The following HCN1 variants were observed in gnomAD, a reference collection of about 807,000 sequenced individuals.
The protein encoded by HCN1 is potassium/sodium hyperpolarization-activated cyclic nucleotide-gated channel 1.
In HCN1, 13 loss-of-function variants were observed where a neutral mutation model predicts 78.9. The ratio of observed to expected loss-of-function variants is 0.16; its 90% CI spans 0.11 to 0.26. The LOEUF (loss-of-function observed/expected upper bound fraction) is 0.26, where lower values mean the gene tolerates loss of function less well. Ranked by LOEUF, HCN1 falls within the 10% of genes least tolerant of loss-of-function variation. HCN1 has a pLI of 1.00. For missense variants in HCN1, 810 were observed against 1,154.3 expected (o/e 0.70, Z 4.32); for synonymous variants, 552 against 455.5 (o/e 1.21, Z -2.70).
At chr5:45,320,692 G>A (rs1746106621) in intron 5 of HCN1, among the ~76,000 whole-genome samples, 1 of 151,414 alleles carries the variant, frequency 6.6e-6, no homozygotes, top group South Asian at 2.1e-4. Flanking sequence ...AATCTTGAAG[G>A]TTTAGATATT....
At chr5:45,658,751 TA>T (rs1183291831) in intron 1 of HCN1, among the ~76,000 whole-genome samples, 1 of 151,906 alleles carries the variant, frequency 6.6e-6, no homozygotes, top group Non-Finnish European at 1.5e-5. Context: ...CAGACCGGCT[TA>T]AAAAACGGCG....
At chr5:45,519,074 C>A (rs1452851029) in intron 2 of HCN1, among the ~76,000 whole-genome samples, 1 of 151,948 alleles carries the variant, frequency 6.6e-6, no homozygotes, top group South Asian at 2.1e-4. Context: ...CCATCAAAAT[C>A]AAGTTATGCT....
intron 2 of HCN1, among the ~76,000 whole-genome samples, chr5:45,611,962 T>G (rs1383906778): frequency 6.6e-6 from 1 of 152,170 alleles, no homozygotes; most frequent in African/African-American, 2.4e-5. Context: ...TATAAATATG[T>G]ATGTTGCCCA....
chr5:45,484,278 C>A (rs899855250), intron 2 of HCN1, among the ~76,000 whole-genome samples: 2 of 151,834 alleles, frequency 1.3e-5, no homozygotes, highest in African/African-American at 4.8e-5. Context: ...AAAAAAAATA[C>A]AAAAAAATTA....
chr5:45,460,404 G>A (rs1741122268), intron 3 of HCN1, among the ~76,000 whole-genome samples: 1 of 152,032 alleles, frequency 6.6e-6, no homozygotes, highest in Admixed American at 6.6e-5. Flanking sequence ...CCAGAGCAGT[G>A]AGAAATACAT....
At chr5:45,612,151 A>C (rs1181920848) in intron 2 of HCN1, among the ~76,000 whole-genome samples, 1 of 152,092 alleles carries the variant, frequency 6.6e-6, no homozygotes, top group Non-Finnish European at 1.5e-5. Flanking sequence ...TGGAGTTTCT[A>C]TGTTATTTCT....
intron 2 of HCN1, among the ~76,000 whole-genome samples, chr5:45,479,441 T>C (rs1741595403): frequency 6.6e-6 from 1 of 152,212 alleles, no homozygotes; most frequent in African/African-American, 2.4e-5. Context: ...AATAATTAAT[T>C]GTAAAGGAGA....
intron 2 of HCN1, among the ~76,000 whole-genome samples, chr5:45,637,098 T>G (rs187233332): frequency 1.7e-3 from 264 of 152,222 alleles, no homozygotes; most frequent in Non-Finnish European, 2.9e-3. Context: ...ATGAGGAAGT[T>G]GATTAATTTT....
chr5:45,611,574 T>C (rs1481962804), intron 2 of HCN1, among the ~76,000 whole-genome samples: 1 of 152,072 alleles, frequency 6.6e-6, no homozygotes, highest in Non-Finnish European at 1.5e-5. Context: ...GCCTGGCCCC[T>C]ACCATTACAT....
intron 5 of HCN1, among the ~76,000 whole-genome samples, chr5:45,314,112 A>G (rs1355215150): frequency 6.6e-6 from 1 of 152,192 alleles, no homozygotes; most frequent in African/African-American, 2.4e-5. Context: ...GCAGCCAGAG[A>G]GAAAGGTCGG....
At chr5:45,574,884 AG>A (rs759236922) in intron 2 of HCN1, 4 of 152,206 alleles carry the variant, frequency 2.6e-5, no homozygotes, top group Non-Finnish European at 4.4e-5. Context: ...ATCCAGACCA[AG>A]GCAGTTACTC....
At chr5:45,666,088 C>T (rs534268976) in intron 1 of HCN1, among the ~76,000 whole-genome samples, 1 of 152,030 alleles carries the variant, frequency 6.6e-6, no homozygotes, top group Non-Finnish European at 1.5e-5. Context: ...GGTCTCTGAG[C>T]CACAGTCATT....
chr5:45,556,102 C>T (rs1743462192), intron 2 of HCN1, among the ~76,000 whole-genome samples: 1 of 151,792 alleles, frequency 6.6e-6, no homozygotes, highest in Non-Finnish European at 1.5e-5. Flanking sequence ...AACTATAAAA[C>T]CACTAAAAGA....
At chr5:45,342,395 A>AT (rs34854398) in intron 5 of HCN1, among the ~76,000 whole-genome samples, 23,201 of 137,016 alleles carry the variant, frequency 0.17, 2,288 homozygotes, top group African/African-American at 0.29. Flanking sequence ...ACACCTGGCT[A>AT]TTTTTTTTTT....
At chr5:45,635,749 T>C (rs1049251934) in intron 2 of HCN1, among the ~76,000 whole-genome samples, 2 of 152,158 alleles carry the variant, frequency 1.3e-5, no homozygotes, top group African/African-American at 4.8e-5. Flanking sequence ...AAAGCAGGTC[T>C]TTCTCAGCCA....
At chr5:45,499,223 T>C (rs921199647) in intron 2 of HCN1, among the ~76,000 whole-genome samples, 4 of 152,152 alleles carry the variant, frequency 2.6e-5, no homozygotes, top group African/African-American at 9.7e-5. Flanking sequence ...GCTGTGCTAG[T>C]AATCAGCAGG....
At chr5:45,419,171 T>C (rs1355376791) in intron 3 of HCN1, among the ~76,000 whole-genome samples, 1 of 152,148 alleles carries the variant, frequency 6.6e-6, no homozygotes, top group Non-Finnish European at 1.5e-5. Context: ...GACTTTGAGC[T>C]ATTATTTCAT....
At chr5:45,615,757 C>A (rs1278897390) in intron 2 of HCN1, among the ~76,000 whole-genome samples, 1 of 151,860 alleles carries the variant, frequency 6.6e-6, no homozygotes, top group African/African-American at 2.4e-5. Context: ...TTATCTATGT[C>A]TTGGCTCTTC....
intron 2 of HCN1, among the ~76,000 whole-genome samples, chr5:45,567,604 C>G (rs935938935): frequency 8.4e-5 from 8 of 95,536 alleles, no homozygotes; most frequent in African/African-American, 1.2e-4. Flanking sequence ...CACACACACA[C>G]AGAGTTATAT....
Sources: allele counts gnomAD v4.1 joint callset (sites outside exome capture counted in the v4.1 genomes callset), GRCh38; gene constraint gnomAD v4.1.1; transcripts MANE v1.5; gene names NCBI Gene and HGNC (gene_info 2026-07-23, HGNC 2026-07-21).